Variants in BMPR2 observed in about 807,000 individuals in gnomAD.
BMPR2 encodes bone morphogenetic protein receptor type 2.
Under a neutral mutation model 100.8 loss-of-function variants are expected in BMPR2, and 29 were observed. That is an observed-to-expected ratio of 0.29 (90% CI 0.21 to 0.39). The LOEUF is 0.39. Ranked by LOEUF, BMPR2 falls within the 10% of genes least tolerant of loss-of-function variation. The probability of loss-of-function intolerance (pLI) is 1.00; values close to 1 mark genes in which losing one functional copy is unlikely to be tolerated. For synonymous variants in BMPR2, 382 were observed against 442.3 expected, an observed-to-expected ratio of 0.86 and a Z score of 1.71; for missense variants, 1,011 against 1,274.5, an observed-to-expected ratio of 0.79 and a Z score of 3.15.
Position 202,436,455 on chromosome 2 carries a change from A to G in BMPR2, c.77-28354A>G, listed in dbSNP as rs1559037995. Reference sequence around the variant, plus strand: ...AGTGAGACCCTGTCTCAAGAAAAAAAAACAACAACAGCAGCAACAAAAAAA... The same window carrying G: ...AGTGAGACCCTGTCTCAAGAAAAAAGAACAACAACAGCAGCAACAAAAAAA... On this transcript the variant is annotated intron_variant, in intron 1 of 12. Transcript: ENST00000374580. 8.6e-5 allele frequency among the ~76,000 whole-genome samples: 13 copies of G among 150,782 alleles called. No individual in the cohort carries two copies. The South Asian group carries it at 2.7e-3, about 31-fold the overall frequency.
chr2:202,422,343 G>T (rs2105924963), intron 1 of BMPR2, among the ~76,000 whole-genome samples: 1 of 151,012 alleles, frequency 6.6e-6, no homozygotes, highest in Admixed American at 6.6e-5. Flanking sequence ...GTCTTGCTCT[G>T]TCGCCCAGGC....
Position 202,530,893 on chromosome 2 carries a change from T to G in BMPR2, c.1067T>G (p.Met356Arg). 6.2e-7 allele frequency: 1 copy of G among 1,614,144 alleles called. No individual in the cohort carries two copies. Among genetic ancestry groups the G allele is most frequent in the Non-Finnish European group, 8.5e-7 (1 of 1,180,038 alleles). Reference sequence around the variant, plus strand: ...GTTATTAGTGACTTTGGACTGTCCATGAGGCTGACTGGAAATAGACTGGTG... The same window carrying G: ...GTTATTAGTGACTTTGGACTGTCCAGGAGGCTGACTGGAAATAGACTGGTG... ...TCVISDFGLS[M>R]RLTGNRLVRP... Residue 356 changes from methionine (M) to arginine (R), a missense_variant, in exon 8 of 13, where the codon ATG (methionine) becomes AGG (arginine). By Grantham distance (91) the Met-to-Arg change is moderately conservative. This residue lies in a region of BMPR2 where 355 missense variants were observed against 455.3 expected (regional missense o/e 0.78). Coordinates refer to ENST00000374580, the MANE Select transcript of BMPR2 (RefSeq NM_001204.7).
At chr2:202,478,484 T>A (rs936933761) in intron 3 of BMPR2, among the ~76,000 whole-genome samples, 4 of 152,210 alleles carry the variant, frequency 2.6e-5, no homozygotes, top group African/African-American at 9.6e-5. Flanking sequence ...TGGTGGCATG[T>A]GCCCGTACTT....
chr2:202,524,954 TCAA>T, intron 7 of BMPR2, among the ~76,000 whole-genome samples: 1 of 151,710 alleles, frequency 6.6e-6, no homozygotes, highest in African/African-American at 2.4e-5. Flanking sequence ...GGCAGGAGAA[TCAA>T]CAAGAGCGAA....
chr2:202,440,534 G>A (rs1236660667), intron 1 of BMPR2, among the ~76,000 whole-genome samples: 2 of 150,174 alleles, frequency 1.3e-5, no homozygotes, highest in African/African-American at 2.5e-5. Flanking sequence ...GGGCGGCCAG[G>A]CAGAGACGCT....
intron 1 of BMPR2, among the ~76,000 whole-genome samples, chr2:202,414,600 CA>C (rs1691084824): frequency 6.6e-6 from 1 of 152,184 alleles, no homozygotes; most frequent in Non-Finnish European, 1.5e-5. Context: ...AGTGTTACTC[CA>C]GTGAATACAG....
intron 5 of BMPR2, among the ~76,000 whole-genome samples, chr2:202,518,201 G>T (rs13005349): frequency 1.4e-5 from 2 of 144,350 alleles, no homozygotes; most frequent in Non-Finnish European, 3.0e-5. Flanking sequence ...GCAGTGGCGC[G>T]GTCTCAGCTC....
chr2:202,527,171 AT>A (rs1325126293), intron 7 of BMPR2, among the ~76,000 whole-genome samples: 1 of 152,024 alleles, frequency 6.6e-6, no homozygotes, highest in Non-Finnish European at 1.5e-5. Flanking sequence ...CCCAGAATTT[AT>A]GTTTTTTACC....
At chr2:202,546,961 G>A (rs573636901) in intron 10 of BMPR2, among the ~76,000 whole-genome samples, 3 of 150,938 alleles carry the variant, frequency 2.0e-5, no homozygotes, top group East Asian at 1.9e-4. Context: ...TTTTTGTAGA[G>A]ACAGGGTAGT....
chr2:202,432,319 C>T (rs1485153379), intron 1 of BMPR2, among the ~76,000 whole-genome samples: 1 of 150,756 alleles, frequency 6.6e-6, no homozygotes, highest in Admixed American at 6.6e-5. Context: ...ATGATTTATT[C>T]CTTGCCGGTT....
At chr2:202,542,510 A>T in intron 10 of BMPR2, 63 bp downstream of exon 10, 2 of 1,574,746 alleles carry the variant, frequency 1.3e-6, no homozygotes, top group Non-Finnish European at 1.7e-6. Flanking sequence ...ATGTTGTTTG[A>T]AACAAAAATA....
Position 202,532,799 on chromosome 2 carries a change from T to TA in BMPR2, c.1276+68dup. The TA allele has an allele frequency of 6.5e-7, 1 of 1,534,942 alleles. No homozygotes were observed. Among genetic ancestry groups the TA allele is most frequent in the South Asian group, 1.1e-5 (1 of 88,302 alleles). ...CAGTTATATCTTCTTTCTCTACCTA[T>TA]AGTACCTAACTCAACTTTTATGTAA... On this transcript the variant is annotated intron_variant, in intron 9 of 12. Transcript: ENST00000374580. The surrounding 1 kb of genome is among the most constrained non-coding windows in gnomAD (Gnocchi z 4.1).
At chr2:202,490,909 T>C (rs1377167465) in intron 3 of BMPR2, among the ~76,000 whole-genome samples, 1 of 152,102 alleles carries the variant, frequency 6.6e-6, no homozygotes, top group Non-Finnish European at 1.5e-5. Flanking sequence ...GCAATGTTTT[T>C]TTGTTTTTGT....
intron 3 of BMPR2, among the ~76,000 whole-genome samples, chr2:202,500,495 C>T (rs527422009): frequency 8.5e-5 from 13 of 152,300 alleles, no homozygotes; most frequent in Admixed American, 5.9e-4. Flanking sequence ...ATTGGAAGGA[C>T]AATTTGGAAG....
At chr2:202,514,337 C>T (rs1455206163) in intron 4 of BMPR2, among the ~76,000 whole-genome samples, 5 of 152,122 alleles carry the variant, frequency 3.3e-5, no homozygotes, top group East Asian at 1.9e-4. Flanking sequence ...GGGGTTTCAC[C>T]GTGTTAGCCA....
At chr2:202,542,215 T>G in intron 9 of BMPR2, 96 bp from the exon 10 acceptor site, 1 of 1,427,180 alleles carries the variant, frequency 7.0e-7, no homozygotes, top group Non-Finnish European at 9.8e-7. Flanking sequence ...GTGACACAAT[T>G]TTTTTTGCTT....
intron 9 of BMPR2, among the ~76,000 whole-genome samples, chr2:202,535,031 G>C (rs1236112386): frequency 1.4e-5 from 2 of 145,070 alleles, no homozygotes; most frequent in Non-Finnish European, 3.1e-5. Context: ...GGCCGGGCGG[G>C]TGGCTGACCC....
At chr2:202,537,577 T>A (rs906095216) in intron 9 of BMPR2, among the ~76,000 whole-genome samples, 1 of 152,104 alleles carries the variant, frequency 6.6e-6, no homozygotes, top group African/African-American at 2.4e-5. Flanking sequence ...ATAGAAACAG[T>A]TCTAGAAATG....
At chr2:202,380,195 C>G (rs1251270745) in intron 1 of BMPR2, among the ~76,000 whole-genome samples, 1 of 150,082 alleles carries the variant, frequency 6.7e-6, no homozygotes, top group Non-Finnish European at 1.5e-5. Flanking sequence ...TATGCCCCCC[C>G]CAAAAAAAAA....
Sources: gnomAD v4.1 joint callset for allele counts (sites outside exome capture counted in the v4.1 genomes callset) on GRCh38, gnomAD v4.1.1 for gene constraint, gnomAD v4.1.1 regional missense constraint, Gnocchi (gnomAD v3.1) non-coding constraint, MANE v1.5 for transcripts, NCBI Gene and HGNC (gene_info 2026-07-23, HGNC 2026-07-21) for gene names.